The following COL6A3 variants were observed in gnomAD, a reference collection of about 807,000 sequenced individuals.
COL6A3 encodes the protein collagen alpha-3(VI) chain.
In COL6A3, 137 loss-of-function variants were observed where a neutral mutation model predicts 274.1. That is an observed-to-expected ratio of 0.50 (90% CI 0.44 to 0.58). The LOEUF (loss-of-function observed/expected upper bound fraction) is 0.58, where lower values mean the gene tolerates loss of function less well. COL6A3 is among the 20% of genes least tolerant of loss of function. The pLI is 0.00. For synonymous variants in COL6A3, 1,650 were observed against 1,650.6 expected (o/e 1.00, Z 0.01); for missense variants, 3,950 against 4,124.9 (o/e 0.96, Z 1.16).
intron 2 of COL6A3, 120 bp from the exon 3 acceptor site, chr2:237,395,324 C>T: frequency 9.9e-7 from 1 of 1,013,614 alleles, no homozygotes; most frequent in Admixed American, 2.1e-5. Context: ...CTTCACACCT[C>T]ACTGATAATA....
At chr2:237,397,388 G>T (rs953830815) in intron 1 of COL6A3, among the ~76,000 whole-genome samples, 1 of 145,352 alleles carries the variant, frequency 6.9e-6, no homozygotes. Flanking sequence ...AGAGAAAGAA[G>T]CAGAAGAAAA....
Position 237,325,592 on chromosome 2 carries a change from G to A in COL6A3, c.9461C>T (p.Ser3154Leu). 1.2e-6 allele frequency: 2 copies of A among 1,614,126 alleles called. No homozygotes were observed. The highest frequency in any genetic ancestry group is 1.7e-6 in the Non-Finnish European group (2 of 1,180,026). Reference protein sequence around the residue: ...GCGGNENKFGSQKECEKVCAP... With the variant: ...GCGGNENKFGLQKECEKVCAP... ...GCAAACCTTTTCACATTCTTTCTGT[G>A]ATCCAAATTTGTTTTCGTTTCCACC... The change falls in exon 43 of 44, where the codon TCA becomes TTA. Residue 3154 changes from serine (S) to leucine (L), a missense_variant. Ser to Leu is a moderately radical substitution (Grantham distance 145, BLOSUM62 -2). This residue lies in a region of COL6A3 where 1,284 missense variants were observed against 1,349.7 expected (regional missense o/e 0.95). Transcript: ENST00000295550.
chr2:237,364,265 T>C lies in COL6A3; in HGVS notation c.5917+85A>G. ...ACGCTGCTCCCTTGGGGCGCTGCAT[T>C]AGCAGAGAGGTTTCTCTCCAGCAGA... On this transcript the variant is annotated intron_variant, in intron 13 of 43. Coordinates refer to ENST00000295550, the MANE Select transcript of COL6A3 (RefSeq NM_004369.4). This position sits in a 1 kb window ranked among gnomAD's most constrained non-coding sequence, Gnocchi z 4.6. 1 of 1,078,592 alleles carries C rather than the reference T, an allele frequency of 9.3e-7. No homozygotes were observed. The highest frequency in any genetic ancestry group is 1.4e-6 in the Non-Finnish European group (1 of 700,670). The allele number at this position is 1,078,592 out of a possible 1,614,324, so 66.8% of individuals were successfully genotyped here.
Position 237,324,816 on chromosome 2 carries a change from T to C in COL6A3, c.9494-2A>G, listed in dbSNP as rs142546062. On this transcript the variant is annotated splice_acceptor_variant, in intron 43 of 43. Coordinates refer to ENST00000295550, the MANE Select transcript of COL6A3 (RefSeq NM_004369.4). LOFTEE classifies it high-confidence loss of function. ...TGATGACTCCGGGTTTGGCGAGCACTGAGCGTCGAGAGAGGGGGTGGGTGG... is the reference window on the plus strand; with the variant it reads ...TGATGACTCCGGGTTTGGCGAGCACCGAGCGTCGAGAGAGGGGGTGGGTGG... 3.4e-5 allele frequency: 55 copies of C among 1,613,276 alleles called. No individual in the cohort carries two copies. The African/African-American group carries it at 6.9e-4, about 20-fold the overall frequency.
chr2:237,374,769 T>G lies in COL6A3; in HGVS notation c.3322A>C (p.Thr1108Pro). Reference protein sequence around the residue: ...LTLLGGPTPNTGAALEFVLRN... With the variant: ...LTLLGGPTPNPGAALEFVLRN... Reference sequence around the variant, plus strand: ...AGGACAAACTCCAGGGCGGCCCCGGTGTTGGGGGTCGGCCCTCCCAGCAGG... The same window carrying G: ...AGGACAAACTCCAGGGCGGCCCCGGGGTTGGGGGTCGGCCCTCCCAGCAGG... Residue 1108 changes from threonine (T) to proline (P), a missense_variant, in exon 8 of 44, where the codon ACC becomes CCC. Physicochemically the swap from Thr to Pro is conservative, Grantham distance 38 (BLOSUM62 -1). Around this residue, in one of 5 missense-constraint regions of COL6A3, gnomAD observed 1,934 missense variants for 1,984.3 expected, o/e 0.97. Transcript: ENST00000295550. The surrounding 1 kb of genome is among the most constrained non-coding windows in gnomAD (Gnocchi z 4.8). The G allele has an allele frequency of 1.9e-6, 3 of 1,613,876 alleles. No homozygotes were observed. The highest frequency in any genetic ancestry group is 2.2e-5 in the East Asian group (1 of 44,850).
chr2:237,401,146 C>T (rs2078579131), intron 1 of COL6A3, among the ~76,000 whole-genome samples: 1 of 152,158 alleles, frequency 6.6e-6, no homozygotes, highest in African/African-American at 2.4e-5. Context: ...TTCAACAAAG[C>T]TACACAGTGG....
chr2:237,342,551 T>TC (rs1362074115), intron 36 of COL6A3: 2 of 240,394 alleles, frequency 8.3e-6, no homozygotes, highest in Non-Finnish European at 1.7e-5. Flanking sequence ...GGGAGCTCCA[T>TC]CCCTTCCCCA....
rs1460875407 is a variant in COL6A3, at chr2:237,376,688, C to G, written c.3070+84G>C. The stretch of plus-strand genomic sequence containing the variant: ...CTGTAAACTCAAGGAGGGCTTCTAT[C>G]TAAGGACCAGTGGCCAGCAGCCTAC... On this transcript the variant is annotated intron_variant, in intron 7 of 43. Coordinates refer to ENST00000295550, the MANE Select transcript of COL6A3 (RefSeq NM_004369.4). 4 of 1,376,754 alleles carry G rather than the reference C, an allele frequency of 2.9e-6. No homozygotes were observed. The South Asian group carries it at 3.5e-5, about 12-fold the overall frequency. The allele number at this position is 1,376,754 out of a possible 1,614,324, so 85.3% of individuals were successfully genotyped here. A position where few individuals can be genotyped will look rare whatever the true frequency, so the allele number is the denominator to read the frequency against.
Position 237,374,521 on chromosome 2 carries a change from G to C in COL6A3, c.3570C>G (p.Thr1190=). ...GTTGGACGGTCCCCAGCTGGCGAAA[G>C]GTGGGAATGGCCACGGCAAAGTCCG... ...FIPDFAVAIP[T]FRQLGTVQQV... The change falls in exon 8 of 44, where the codon ACC becomes ACG. Residue 1190 remains threonine (T), a synonymous_variant. Transcript: ENST00000295550. This position sits in a 1 kb window ranked among gnomAD's most constrained non-coding sequence, Gnocchi z 4.8. 6.2e-7 allele frequency: 1 copy of C among 1,614,196 alleles called. No homozygotes were observed. The highest frequency in any genetic ancestry group is 1.1e-5 in the South Asian group (1 of 91,078).
In COL6A3 at chr2:237,340,840, A is replaced by C. The variant is rs1306053610; in HGVS notation, c.8076T>G (p.Tyr2692Ter). Residue 2692 changes from tyrosine to a stop codon, truncating the protein, a stop_gained, in exon 38 of 44, where the codon TAT (tyrosine) becomes TAG (stop). Transcript: ENST00000295550. LOFTEE classifies it high-confidence loss of function. ...AGTCCACCAGCTTCTCCTTGGAGCC[A>C]TAGTCAGTCAGGGAGAATTCCACCT... is the stretch of plus-strand genomic sequence containing the variant. ...PVKVEFSLTD[Y>*]GSKEKLVDFL... is the part of the protein sequence containing the mutation. The C allele has an allele frequency of 2.5e-6, 4 of 1,614,186 alleles. No individual in the cohort carries two copies.
intron 42 of COL6A3, chr2:237,328,839 C>T (rs1700083167): frequency 6.6e-6 from 1 of 152,186 alleles, no homozygotes; most frequent in South Asian, 2.1e-4. Flanking sequence ...GGTGTTTATG[C>T]TGCAATCATC....
intron 1 of COL6A3, among the ~76,000 whole-genome samples, chr2:237,404,091 T>C (rs187803616): frequency 6.6e-6 from 1 of 152,306 alleles, no homozygotes; most frequent in East Asian, 1.9e-4. Context: ...TCTATCAAGC[T>C]TGAGCGTCAA....
At chr2:237,396,619 G>A (rs1285253640) in intron 2 of COL6A3, 108 bp downstream of exon 2, 3 of 1,127,556 alleles carry the variant, frequency 2.7e-6, no homozygotes, top group African/African-American at 3.1e-5. Context: ...AAATGGCTTA[G>A]CTACCTTAAG....
intron 2 of COL6A3, among the ~76,000 whole-genome samples, chr2:237,396,360 C>A (rs992856353): frequency 3.3e-5 from 5 of 152,158 alleles, no homozygotes; most frequent in Admixed American, 6.5e-5. Flanking sequence ...TACTCTCAAT[C>A]ATTGACTTCT....
rs1574911322 is a variant in COL6A3 at position 237,325,739 on chromosome 2, T to C, written c.9329-15A>G. On this transcript the variant is annotated splice_polypyrimidine_tract_variant and intron_variant, in intron 42 of 43. Transcript: ENST00000295550. Reference sequence around the variant, plus strand: ...CTTGCATATATCTTTAATAAAAACATGAGAAAAGGATATTAATGAGAACAT... The same window carrying C: ...CTTGCATATATCTTTAATAAAAACACGAGAAAAGGATATTAATGAGAACAT... 1 of 1,610,612 alleles carries C rather than the reference T, an allele frequency of 6.2e-7. No individual in the cohort carries two copies.
chr2:237,391,481 C>T (rs1457382961), intron 3 of COL6A3, among the ~76,000 whole-genome samples: 1 of 151,564 alleles, frequency 6.6e-6, no homozygotes, highest in African/African-American at 2.4e-5. Context: ...AAAGATGTTC[C>T]ATTTCTCTAC....
At chr2:237,363,097 C>A (rs987224389) in intron 14 of COL6A3, among the ~76,000 whole-genome samples, 156 bp downstream of exon 14, 3 of 151,876 alleles carry the variant, frequency 2.0e-5, no homozygotes, top group African/African-American at 7.3e-5. Flanking sequence ...GTTATGGCAA[C>A]AAGGCAGTTC....
intron 8 of COL6A3, among the ~76,000 whole-genome samples, chr2:237,373,118 T>C (rs926716122): frequency 6.6e-6 from 1 of 151,908 alleles, no homozygotes; most frequent in Admixed American, 6.6e-5. Flanking sequence ...AGCCTCCGAA[T>C]GGGGAGAAGG....
chr2:237,336,465 T>C lies in COL6A3; in HGVS notation c.8635A>G (p.Thr2879Ala), dbSNP rs749357784. Reference sequence around the variant, plus strand: ...GTTGTGGTGGTCACCGGCTTCGTCGTAGTCACCGGCTTCGTTGTCGTCACT... The same window carrying C: ...GTTGTGGTGGTCACCGGCTTCGTCGCAGTCACCGGCTTCGTTGTCGTCACT... ...NPVTTTKPVT[T>A]TKPVTTTTKP... The change falls in exon 40 of 44, where the codon ACG (threonine) becomes GCG (alanine). Residue 2879 changes from threonine (T) to alanine (A), a missense_variant. By Grantham distance (58) the Thr-to-Ala change is moderately conservative. Around this residue, in one of 5 missense-constraint regions of COL6A3, gnomAD observed 1,284 missense variants for 1,349.7 expected, o/e 0.95. Coordinates refer to ENST00000295550, the MANE Select transcript of COL6A3 (RefSeq NM_004369.4). 1.2e-6 allele frequency: 2 copies of C among 1,614,176 alleles called. No individual in the cohort carries two copies. Among genetic ancestry groups the C allele is most frequent in the Non-Finnish European group, 1.7e-6 (2 of 1,180,040 alleles).
Sources: gnomAD v4.1 joint callset for allele counts (sites outside exome capture counted in the v4.1 genomes callset) on GRCh38, gnomAD v4.1.1 for gene constraint, gnomAD v4.1.1 regional missense constraint, Gnocchi (gnomAD v3.1) non-coding constraint, MANE v1.5 for transcripts, NCBI Gene and HGNC (gene_info 2026-07-23, HGNC 2026-07-21) for gene names.